TG: variants seen among roughly 807,000 people sequenced by gnomAD.
TG encodes thyroid hormones.
Under a neutral mutation model 324.7 loss-of-function variants are expected in TG, and 270 were observed. The observed-to-expected ratio is 0.83, with a 90% CI of 0.75 to 0.92. The LOEUF is 0.92. Ranked by LOEUF, TG falls within the 40% of genes least tolerant of loss-of-function variation. TG has a pLI of 0.00. For missense variants in TG, 3,591 were observed against 3,456.4 expected (o/e 1.04, Z -0.98); for synonymous variants, 1,401 against 1,327.0 (o/e 1.06, Z -1.21).
intron 41 of TG, chr8:133,050,686 A>G (rs1477414805): frequency 6.1e-6 from 4 of 654,498 alleles, no homozygotes; most frequent in Non-Finnish European, 1.1e-5. Flanking sequence ...TATGGGTCAA[A>G]TTTCTCACCT....
rs775521942 is a variant in TG at position 133,030,026 on chromosome 8, A to G, written c.7239+3A>G. ...TTTTCCGGAGAGCTGTGCTGATGGTAAGTGGTGTGTGTTCTACCTTCAGTC... is the reference window on the plus strand; with the variant it reads ...TTTTCCGGAGAGCTGTGCTGATGGTGAGTGGTGTGTGTTCTACCTTCAGTC... On this transcript the variant is annotated splice_donor_region_variant and intron_variant, in intron 41 of 47. Coordinates refer to ENST00000220616, the MANE Select transcript of TG (RefSeq NM_003235.5). 9.3e-6 allele frequency: 15 copies of G among 1,614,190 alleles called. No individual in the cohort carries two copies. Among genetic ancestry groups the G allele is most frequent in the Non-Finnish European group, 1.3e-5 (15 of 1,180,034 alleles).
chr8:132,912,976 C>T, intron 19 of TG, 71 bp from the exon 20 acceptor site: 1 of 1,444,134 alleles, frequency 6.9e-7, no homozygotes, highest in Non-Finnish European at 9.7e-7. Flanking sequence ...GGCATCTCTG[C>T]CCTGCTTAAT....
At chr8:133,050,376 G>A (rs1481558307) in intron 41 of TG, 1 of 279,898 alleles carries the variant, frequency 3.6e-6, no homozygotes, top group Non-Finnish European at 6.9e-6. Context: ...AAGGGGCTTA[G>A]AACTTCTGTC....
intron 26 of TG, among the ~76,000 whole-genome samples, chr8:132,946,467 C>G (rs1825315486): frequency 6.6e-6 from 1 of 152,108 alleles, no homozygotes; most frequent in African/African-American, 2.4e-5. Flanking sequence ...CCAGTCTTGT[C>G]CAGTGGGCAA....
chr8:133,016,830 ATG>A (rs1352565497), intron 37 of TG, among the ~76,000 whole-genome samples: 1 of 152,226 alleles, frequency 6.6e-6, no homozygotes, highest in East Asian at 1.9e-4. Flanking sequence ...AGATCAATCA[ATG>A]AATGAAAGAA....
chr8:133,123,051 C>T (rs1308040230), intron 45 of TG, among the ~76,000 whole-genome samples: 1 of 152,080 alleles, frequency 6.6e-6, no homozygotes, highest in Non-Finnish European at 1.5e-5. Flanking sequence ...TTCTACCCAC[C>T]TGATGCCAGC....
At chr8:132,934,098 C>T (rs1451632699) in intron 24 of TG, among the ~76,000 whole-genome samples, 3 of 152,112 alleles carry the variant, frequency 2.0e-5, no homozygotes, top group African/African-American at 7.2e-5. Context: ...TTTGGGAGGC[C>T]TAGGCGGGTG....
chr8:132,983,648 T>C, intron 35 of TG: 1 of 598,324 alleles, frequency 1.7e-6, no homozygotes, highest in South Asian at 2.0e-5. Context: ...ATGTGGCTGA[T>C]TGAAGCAGAG....
rs573820885 is a variant in TG at position 133,028,664 on chromosome 8, G to A, written c.7037-1157G>A. 7.9e-5 allele frequency among the ~76,000 whole-genome samples: 12 copies of A among 152,278 alleles called. No individual in the cohort carries two copies. In the South Asian group the frequency reaches 1.7e-3, roughly 21 times the overall value. On this transcript the variant is annotated intron_variant, in intron 40 of 47. Transcript: ENST00000220616. ...ACAGATGGGGAAAATCAAAGCACACGAACATGAACTTGTCCAGGGCCCCTC... is the reference window on the plus strand; with the variant it reads ...ACAGATGGGGAAAATCAAAGCACACAAACATGAACTTGTCCAGGGCCCCTC...
At chr8:132,920,034 T>G (rs1179853651) in intron 21 of TG, among the ~76,000 whole-genome samples, 1 of 152,226 alleles carries the variant, frequency 6.6e-6, no homozygotes, top group Non-Finnish European at 1.5e-5. Context: ...TGGTTTTATC[T>G]GATTCTGAAA....
At chr8:133,074,993 C>T in intron 41 of TG, 2 of 985,446 alleles carry the variant, frequency 2.0e-6, no homozygotes, top group Non-Finnish European at 2.4e-6. Context: ...GGAGAAGCAG[C>T]CCATGCTACA....
At chr8:132,946,493 T>G (rs1003638615) in intron 26 of TG, among the ~76,000 whole-genome samples, 1 of 152,192 alleles carries the variant, frequency 6.6e-6, no homozygotes, top group Admixed American at 6.6e-5. Context: ...GAGTTTTAAC[T>G]TATGAAGATT....
chr8:133,000,694 A>T (rs182596687), intron 35 of TG, among the ~76,000 whole-genome samples: 1 of 152,334 alleles, frequency 6.6e-6, no homozygotes, highest in East Asian at 1.9e-4. Context: ...CTTCAACCCT[A>T]TGAGCCATTT....
chr8:133,081,979 A>C (rs1318166399), intron 41 of TG, among the ~76,000 whole-genome samples: 1 of 152,252 alleles, frequency 6.6e-6, no homozygotes, highest in African/African-American at 2.4e-5. Flanking sequence ...GGCTGTAGCC[A>C]GGAATGTTGA....
chr8:133,122,217 A>G (rs145290815), intron 45 of TG, among the ~76,000 whole-genome samples: 24 of 152,262 alleles, frequency 1.6e-4, no homozygotes, highest in African/African-American at 5.3e-4. Context: ...TATAGATGAG[A>G]TTTTCATTCC....
chr8:132,933,763 C>A lies in TG; in HGVS notation c.4932+87C>A, dbSNP rs570023506. The A allele has an allele frequency of 2.5e-4, 311 of 1,227,150 alleles. 1 individual carries two copies. In the East Asian group the frequency reaches 4.5e-3, roughly 18 times the overall value. 76.0% of individuals were successfully genotyped at this position (1,227,150 alleles called of 1,614,324 possible). ...AGGAGCGGGCAGCAGGCTGGCCAGGCGATGGAATGAGGTTGTCGAGAGCTG... is the reference window on the plus strand; with the variant it reads ...AGGAGCGGGCAGCAGGCTGGCCAGGAGATGGAATGAGGTTGTCGAGAGCTG... On this transcript the variant is annotated intron_variant, in intron 24 of 47. Coordinates refer to ENST00000220616, the MANE Select transcript of TG (RefSeq NM_003235.5).
At chr8:133,131,225 C>A (rs1358411022) in intron 45 of TG, among the ~76,000 whole-genome samples, 1 of 152,234 alleles carries the variant, frequency 6.6e-6, no homozygotes. Flanking sequence ...GCCATTCACA[C>A]CACTGGACTG....
intron 2 of TG, 161 bp downstream of exon 2, chr8:132,868,384 T>G: frequency 2.8e-6 from 2 of 711,632 alleles, no homozygotes; most frequent in Admixed American, 4.1e-5. Context: ...CCACTGTCAT[T>G]TGGAGGTGCC....
At chr8:133,094,652 C>T (rs1370958491) in intron 41 of TG, 3 of 322,168 alleles carry the variant, frequency 9.3e-6, no homozygotes, top group Non-Finnish European at 1.8e-5. Context: ...AGGAGCCCCC[C>T]AGGAGGTGCT....
Sources: gnomAD v4.1 joint callset for allele counts (sites outside exome capture counted in the v4.1 genomes callset) on GRCh38, gnomAD v4.1.1 for gene constraint, MANE v1.5 for transcripts, NCBI Gene and HGNC (gene_info 2026-07-23, HGNC 2026-07-21) for gene names.